Variants in MMD2 observed in about 807,000 individuals in gnomAD.
The protein encoded by MMD2 is monocyte to macrophage differentiation factor 2.
In MMD2, 30 loss-of-function variants were observed where a neutral mutation model predicts 33.5. The observed-to-expected ratio is 0.90, with a 90% CI of 0.67 to 1.22. MMD2 has a LOEUF of 1.22. Ranked by LOEUF, MMD2 falls within the 50% of genes most tolerant of loss-of-function variation. The pLI is 0.00. For missense variants in MMD2, 364 were observed against 325.4 expected, an observed-to-expected ratio of 1.12 and a Z score of -0.91; for synonymous variants, 129 against 123.0, an observed-to-expected ratio of 1.05 and a Z score of -0.32.
chr7:4,949,473 T>C (rs1400531191), intron 1 of MMD2, among the ~76,000 whole-genome samples: 1 of 152,054 alleles, frequency 6.6e-6, no homozygotes, highest in Non-Finnish European at 1.5e-5. Context: ...CTTAATAGAA[T>C]GATCTCCAGT....
At chr7:4,944,760 CTTTTTTTTTTT>C (rs142716643) in intron 1 of MMD2, among the ~76,000 whole-genome samples, 8 of 75,276 alleles carry the variant, frequency 1.1e-4, no homozygotes, top group African/African-American at 2.9e-4. Flanking sequence ...TCTTCTTCTT[CTTTTTTTTTTT>C]TTTTTTTTTT....
chr7:4,944,760 CTTTTTT>C (rs142716643), intron 1 of MMD2, among the ~76,000 whole-genome samples: 4 of 75,300 alleles, frequency 5.3e-5, no homozygotes, highest in South Asian at 5.4e-4. Flanking sequence ...TCTTCTTCTT[CTTTTTT>C]TTTTTTTTTT....
chr7:4,919,929 G>A (rs1455100054), intron 3 of MMD2, among the ~76,000 whole-genome samples: 2 of 152,154 alleles, frequency 1.3e-5, no homozygotes, highest in African/African-American at 4.8e-5. Flanking sequence ...AAAAAAGTGA[G>A]CAAACCAGGC....
chr7:4,903,619 C>A (rs531193757), downstream of MMD2, among the ~76,000 whole-genome samples: 1 of 152,338 alleles, frequency 6.6e-6, no homozygotes, highest in African/African-American at 2.4e-5. Context: ...GAAGTCCTCC[C>A]AGGTGGGCAC....
Position 4,923,347 on chromosome 7 carries a change from G to A in MMD2, c.129+2104C>T, listed in dbSNP as rs1044532571. Among the ~76,000 whole-genome samples the A allele has an allele frequency of 2.3e-4, 35 of 152,016 alleles. No individual in the cohort carries two copies. In the South Asian group the frequency reaches 3.3e-3, roughly 14 times the overall value. ...TCGAACTCCCAACCTCAAGTGATCC[G>A]CCCGCCTCAGCCACCCAAAGTGCTG... is the stretch of plus-strand genomic sequence containing the variant. On this transcript the variant is annotated intron_variant, in intron 2 of 6. Transcript: ENST00000401401.
intron 1 of MMD2, among the ~76,000 whole-genome samples, chr7:4,935,799 G>A (rs1008104685): frequency 2.6e-5 from 4 of 151,842 alleles, no homozygotes; most frequent in Admixed American, 2.0e-4. Context: ...CTTGAATTAT[G>A]TAAGATGTTC....
chr7:4,954,418 AT>A (rs113847657), intron 1 of MMD2, among the ~76,000 whole-genome samples: 103 of 151,112 alleles, frequency 6.8e-4, no homozygotes, highest in African/African-American at 2.4e-3. Flanking sequence ...CAGAAACTTA[AT>A]TTTTTTTTCT....
At chr7:4,910,156 C>T (rs372745276) in intron 5 of MMD2, 1 of 1,115,186 alleles carries the variant, frequency 9.0e-7, no homozygotes. Context: ...GGGCACTTTC[C>T]CTCCCTGAGA....
chr7:4,929,990 C>T (rs1273723272), intron 1 of MMD2, among the ~76,000 whole-genome samples: 1 of 152,018 alleles, frequency 6.6e-6, no homozygotes, highest in East Asian at 1.9e-4. Flanking sequence ...GAGGCCAGGG[C>T]CGGGTATGGT....
downstream of MMD2, among the ~76,000 whole-genome samples, chr7:4,902,993 T>C (rs374054680): frequency 9.8e-5 from 15 of 152,294 alleles, no homozygotes; most frequent in East Asian, 7.7e-4. Context: ...ATCCCAGCAC[T>C]TTGTGCGGCC....
At chr7:4,925,228 G>T (rs566775236) in intron 2 of MMD2, among the ~76,000 whole-genome samples, 3 of 152,222 alleles carry the variant, frequency 2.0e-5, no homozygotes, top group Non-Finnish European at 4.4e-5. Context: ...ACCATGCTCG[G>T]CCCCATCGAA....
rs547906362 is a variant in MMD2, at chr7:4,940,565, C to G, written c.48-15033G>C. 1.0e-3 allele frequency among the ~76,000 whole-genome samples: 156 copies of G among 152,384 alleles called. No individual in the cohort carries two copies. The highest frequency in any genetic ancestry group is 3.2e-3 in the African/African-American group (134 of 41,596). On this transcript the variant is annotated intron_variant, in intron 1 of 6. Transcript: ENST00000401401. The surrounding 1 kb of genome is among the most constrained non-coding windows in gnomAD (Gnocchi z 5.0). ...CCGGCCGTGCTAAGCCTCTCTCCCC[C>G]TCTCCGCTTGGCCCTGGCCGCTTCT...
At chr7:4,914,120 G>C (rs568700749) in intron 4 of MMD2, among the ~76,000 whole-genome samples, 1 of 152,290 alleles carries the variant, frequency 6.6e-6, no homozygotes, top group South Asian at 2.1e-4. Context: ...TGAGTAGCTG[G>C]GAGCACAGGC....
downstream of MMD2, among the ~76,000 whole-genome samples, chr7:4,901,719 G>T (rs1360834704): frequency 6.6e-6 from 1 of 152,208 alleles, no homozygotes; most frequent in East Asian, 1.9e-4. Context: ...TGGGTTTGTT[G>T]TCACCAACTT....
Position 4,911,198 on chromosome 7 carries a change from C to A in MMD2, c.414G>T (p.Leu138=). The change falls in exon 5 of 7, where the codon CTG becomes CTT. Residue 138 remains leucine, a synonymous_variant. Coordinates refer to ENST00000401401, the MANE Select transcript of MMD2 (RefSeq NM_198403.4). ...LGPWASHMRW[L]VWIMASVGTI... ...TGCCCACGGAAGCCATAATCCAGAC[C>A]AGCCAGCGCATGTGGGAGGCCCAGG... The A allele has an allele frequency of 6.2e-7, 1 of 1,602,562 alleles. No individual in the cohort carries two copies. The highest frequency in any genetic ancestry group is 8.5e-7 in the Non-Finnish European group (1 of 1,175,092).
chr7:4,953,677 G>T (rs1181461251), intron 1 of MMD2, among the ~76,000 whole-genome samples: 3 of 151,824 alleles, frequency 2.0e-5, no homozygotes, highest in Admixed American at 1.3e-4. Context: ...CACCATGTTG[G>T]TCAGGCTGGT....
intron 1 of MMD2, among the ~76,000 whole-genome samples, chr7:4,948,150 G>A (rs1261714885): frequency 6.6e-6 from 1 of 152,164 alleles, no homozygotes; most frequent in Non-Finnish European, 1.5e-5. Flanking sequence ...CAACTGAATA[G>A]GAGATTGGGG....
At chr7:4,949,949 C>A (rs561368539) in intron 1 of MMD2, among the ~76,000 whole-genome samples, 1 of 152,176 alleles carries the variant, frequency 6.6e-6, no homozygotes. Context: ...AAATGACCTG[C>A]CCACGTTACC....
rs551509171 is a variant in MMD2 at position 4,959,151 on chromosome 7, G to T, written c.-134C>A. The T allele has an allele frequency of 1.7e-6, 1 of 605,250 alleles. No homozygotes were observed. The highest frequency in any genetic ancestry group is 2.3e-6 in the Non-Finnish European group (1 of 428,988). The allele number at this position is 605,250 out of a possible 1,614,324, so 37.5% of individuals were successfully genotyped here. On this transcript the variant is annotated 5_prime_UTR_variant, in exon 1 of 7. Coordinates refer to ENST00000401401, the MANE Select transcript of MMD2 (RefSeq NM_198403.4). ...CAAGGGGACCTGGTCGGCGCCCGGAGCCGGAGCCGGAGCCCGAGCCGGAGC... is the reference window on the plus strand; with the variant it reads ...CAAGGGGACCTGGTCGGCGCCCGGATCCGGAGCCGGAGCCCGAGCCGGAGC...
Sources: allele counts gnomAD v4.1 joint callset (sites outside exome capture counted in the v4.1 genomes callset), GRCh38; gene constraint gnomAD v4.1.1; non-coding constraint Gnocchi (gnomAD v3.1); transcripts MANE v1.5; gene names NCBI Gene and HGNC (gene_info 2026-07-23, HGNC 2026-07-21).